LRP2BP: variants seen among roughly 807,000 people sequenced by gnomAD.
LRP2BP encodes the protein LRP2 binding protein.
A neutral mutation model predicts 45.2 loss-of-function variants in LRP2BP; 38 were observed. That is an observed-to-expected ratio of 0.84 (90% confidence interval 0.65 to 1.10). The LOEUF is 1.10. LRP2BP is among the 50% of genes least tolerant of loss of function. The pLI is 0.00. For missense variants in LRP2BP, 385 were observed against 418.9 expected (o/e 0.92, Z 0.71); for synonymous variants, 153 against 153.9 (o/e 0.99, Z 0.04).
At position 185,375,708 on chromosome 4, in the gene LRP2BP, A is replaced by G. The variant is rs761732609; in HGVS notation, c.235T>C (p.Leu79=). ...YFEEGWYEEA[L]EQFEEIKEKD... is the part of the protein sequence containing the mutation. ...TCCTTGATTTCTTCAAACTGTTCTAATGCTTCTTCATACCATCCCTAGAAG... is the reference window on the plus strand; with the variant it reads ...TCCTTGATTTCTTCAAACTGTTCTAGTGCTTCTTCATACCATCCCTAGAAG... Residue 79 remains leucine (L), a synonymous_variant, in exon 4 of 9, where the codon TTA becomes CTA. Transcript: ENST00000505916. The G allele has an allele frequency of 6.2e-7, 1 of 1,607,578 alleles. No homozygotes were observed. The highest frequency in any genetic ancestry group is 1.1e-5 in the South Asian group (1 of 90,786).
chr4:185,378,970 A>G, intron 1 of LRP2BP: 1 of 985,392 alleles, frequency 1.0e-6, no homozygotes, highest in Non-Finnish European at 1.2e-6. Flanking sequence ...GTGATTGGAA[A>G]GCTGCATTTT....
intron 1 of LRP2BP, chr4:185,390,526 AAAAAAAG>A (rs1335566897): frequency 2.0e-5 from 3 of 152,000 alleles, no homozygotes; most frequent in Non-Finnish European, 2.9e-5. Flanking sequence ...CTCAAAAAAA[AAAAAAAG>A]AAAAAAGAAA....
intron 6 of LRP2BP, 105 bp downstream of exon 6, chr4:185,374,030 A>G (rs2095424859): frequency 4.4e-6 from 4 of 899,554 alleles, no homozygotes; most frequent in Non-Finnish European, 6.9e-6. Flanking sequence ...TAAAGGAACT[A>G]TAAGAGATAT....
chr4:185,396,629 C>A (rs979225880), upstream of LRP2BP: 34 of 463,834 alleles, frequency 7.3e-5, no homozygotes, highest in Non-Finnish European at 1.2e-4. Flanking sequence ...GGCCAATCGG[C>A]GGATGGCCTC....
chr4:185,374,929 G>C (rs560603172), intron 4 of LRP2BP, among the ~76,000 whole-genome samples: 1 of 152,198 alleles, frequency 6.6e-6, no homozygotes, highest in African/African-American at 2.4e-5. Context: ...TGTGCTCATA[G>C]TTTGTATCTA....
At chr4:185,371,626 TG>T (rs1471797108) in intron 7 of LRP2BP, among the ~76,000 whole-genome samples, 1 of 151,404 alleles carries the variant, frequency 6.6e-6, no homozygotes, top group Non-Finnish European at 1.5e-5. Context: ...TGTGAGAATG[TG>T]ATCCAGTCAA....
chr4:185,368,011 C>G (rs1256674425), intron 8 of LRP2BP, among the ~76,000 whole-genome samples: 2 of 152,072 alleles, frequency 1.3e-5, no homozygotes, highest in African/African-American at 4.8e-5. Context: ...AACTCCGTCT[C>G]TACTAAAAAT....
chr4:185,370,660 C>A lies in LRP2BP; in HGVS notation c.958G>T (p.Ala320Ser). 7 of 1,613,900 alleles carry A rather than the reference C, an allele frequency of 4.3e-6. No individual in the cohort carries two copies. Among genetic ancestry groups the A allele is most frequent in the Non-Finnish European group, 5.9e-6 (7 of 1,179,946 alleles). ...CTTACTTTAGAATAATAGTGTTTAGCGGTTGTTTCATCCCTGGTGATGCCC... is the reference window on the plus strand; with the variant it reads ...CTTACTTTAGAATAATAGTGTTTAGAGGTTGTTTCATCCCTGGTGATGCCC... ...GLGITRDETT[A>S]KHYYSKACRL... The change falls in exon 8 of 9, where the codon GCT becomes TCT. Residue 320 changes from alanine to serine, a missense_variant. Physicochemically the swap from Ala to Ser is moderately conservative, Grantham distance 99. Transcript: ENST00000505916.
In LRP2BP at chr4:185,395,579, A is replaced by G. The variant is rs927106464; in HGVS notation, c.-822T>C. ...AGTTTAAATATTAAAAATGTGGAATATAAGAACGATTCTATATATTTGAAC... is the reference window on the plus strand; with the variant it reads ...AGTTTAAATATTAAAAATGTGGAATGTAAGAACGATTCTATATATTTGAAC... On this transcript the variant is annotated 5_prime_UTR_variant, in exon 1 of 9. Coordinates refer to ENST00000505916, the MANE Select transcript of LRP2BP (RefSeq NM_001377440.1). 2.7e-5 allele frequency: 26 copies of G among 980,664 alleles called. No individual in the cohort carries two copies. The highest frequency in any genetic ancestry group is 2.9e-5 in the Non-Finnish European group (24 of 825,690). 60.7% of individuals were successfully genotyped at this position (980,664 alleles called of 1,614,324 possible).
At chr4:185,396,285 C>T (rs1219068936), upstream of LRP2BP, 1 of 152,266 alleles carries the variant, frequency 6.6e-6, no homozygotes, top group Non-Finnish European at 1.5e-5. Context: ...ACTTGCGTTC[C>T]CCGGCGCCGA....
At chr4:185,371,273 C>T (rs960215026) in intron 7 of LRP2BP, among the ~76,000 whole-genome samples, 2 of 152,152 alleles carry the variant, frequency 1.3e-5, no homozygotes, top group African/African-American at 4.8e-5. Flanking sequence ...GGCGCGGTGG[C>T]TCACGCCTGT....
At chr4:185,392,418 C>T (rs1187654637) in intron 1 of LRP2BP, among the ~76,000 whole-genome samples, 1 of 152,178 alleles carries the variant, frequency 6.6e-6, no homozygotes, top group Non-Finnish European at 1.5e-5. Flanking sequence ...TCCAATTTAT[C>T]ATCTTCCCCA....
Position 185,368,904 on chromosome 4 carries a change from A to G in LRP2BP, c.979-1659T>C, listed in dbSNP as rs147528421. On this transcript the variant is annotated intron_variant, in intron 8 of 8. Coordinates refer to ENST00000505916, the MANE Select transcript of LRP2BP (RefSeq NM_001377440.1). ...CTCCTTGCAGGTTCAAGCGATTCTC[A>G]TGCCTCAGCCTCCCGAGTAGCTGGG... Among the ~76,000 whole-genome samples, 635 of 148,624 alleles carry G rather than the reference A, an allele frequency of 4.3e-3. 5 individuals are homozygous for G. The highest frequency in any genetic ancestry group is 0.015 in the African/African-American group (599 of 40,176).
intron 1 of LRP2BP, among the ~76,000 whole-genome samples, chr4:185,382,159 A>G (rs951708661): frequency 6.6e-6 from 1 of 152,200 alleles, no homozygotes; most frequent in Non-Finnish European, 1.5e-5. Context: ...TTCACTTAGC[A>G]TAATGTTTAC....
At chr4:185,369,150 T>C (rs1313030334) in intron 8 of LRP2BP, among the ~76,000 whole-genome samples, 2 of 151,696 alleles carry the variant, frequency 1.3e-5, no homozygotes, top group East Asian at 3.9e-4. Flanking sequence ...TATATTTGAC[T>C]AGAGTTTTCT....
chr4:185,369,849 T>A, intron 8 of LRP2BP: 1 of 409,030 alleles, frequency 2.4e-6, no homozygotes, highest in South Asian at 1.9e-5. Flanking sequence ...CTCGGGTGAT[T>A]TTAACATGCA....
Position 185,370,673 on chromosome 4 carries a change from C to T in LRP2BP, c.945G>A (p.Arg315=). Residue 315 remains arginine (R), a synonymous_variant, in exon 8 of 9, where the codon AGG becomes AGA. Coordinates refer to ENST00000505916, the MANE Select transcript of LRP2BP (RefSeq NM_001377440.1). ...AATAGTGTTTAGCGGTTGTTTCATC[C>T]CTGGTGATGCCCAAGCCAAGCTGAA... ...RCLQLGLGIT[R]DETTAKHYYS... 2 of 1,613,858 alleles carry T rather than the reference C, an allele frequency of 1.2e-6. No homozygotes were observed. Among genetic ancestry groups the T allele is most frequent in the Non-Finnish European group, 1.7e-6 (2 of 1,179,986 alleles).
Position 185,365,284 on chromosome 4 carries a change from C to T in LRP2BP, c.*1896G>A, listed in dbSNP as rs932316379. ...GTCAAAGTTTATGATTTCTGAAACC[C>T]ATCTTTAATGGCAGTTTAAAAAGTG... On this transcript the variant is annotated 3_prime_UTR_variant, in exon 9 of 9. Coordinates refer to ENST00000505916, the MANE Select transcript of LRP2BP (RefSeq NM_001377440.1). The T allele has an allele frequency of 6.6e-6, 1 of 152,060 alleles. No homozygotes were observed. Among genetic ancestry groups the T allele is most frequent in the African/African-American group, 2.4e-5 (1 of 41,366 alleles). The allele number at this position is 152,060 out of a possible 1,614,324, so 9.4% of individuals were successfully genotyped here. A position where few individuals can be genotyped will look rare whatever the true frequency, so the allele number is the denominator to read the frequency against.
upstream of LRP2BP, chr4:185,396,530 A>G (rs1197915784): frequency 1.3e-5 from 3 of 224,198 alleles, no homozygotes; most frequent in Non-Finnish European, 2.6e-5. Context: ...TCTCACGCCC[A>G]CTGACTTACC....
Sources: gnomAD v4.1 joint callset for allele counts (sites outside exome capture counted in the v4.1 genomes callset) on GRCh38, gnomAD v4.1.1 for gene constraint, MANE v1.5 for transcripts, NCBI Gene and HGNC (gene_info 2026-07-23, HGNC 2026-07-21) for gene names.